The following COL4A3 variants were observed in gnomAD, a reference collection of about 807,000 sequenced individuals.
COL4A3 encodes the protein collagen alpha-3(IV) chain.
A neutral mutation model predicts 217.4 loss-of-function variants in COL4A3; 135 were observed. That is an observed-to-expected ratio of 0.62 (90% CI 0.54 to 0.72). The LOEUF (loss-of-function observed/expected upper bound fraction) is 0.72, where lower values mean the gene tolerates loss of function less well. COL4A3 is among the 30% of genes least tolerant of loss of function. The pLI is 0.00. For missense variants in COL4A3, 1,868 were observed against 2,119.9 expected (o/e 0.88, Z 2.33); for synonymous variants, 690 against 736.3 (o/e 0.94, Z 1.02).
At chr2:227,263,313 C>G (rs2070705646) in intron 20 of COL4A3, among the ~76,000 whole-genome samples, 4 of 152,320 alleles carry the variant, frequency 2.6e-5, no homozygotes, top group East Asian at 3.9e-4. Context: ...TTCGTGCCAC[C>G]AGGCACGGCT....
chr2:227,182,116 C>T (rs1285879500), intron 1 of COL4A3, among the ~76,000 whole-genome samples: 1 of 152,108 alleles, frequency 6.6e-6, no homozygotes, highest in East Asian at 1.9e-4. Flanking sequence ...CTGCTGATTC[C>T]CTATTGATTT....
chr2:227,266,570 G>T, intron 22 of COL4A3, 61 bp downstream of exon 22: 1 of 1,308,704 alleles, frequency 7.6e-7, no homozygotes, highest in South Asian at 1.2e-5. Context: ...TATTATCACT[G>T]ATTTTTCCCC....
chr2:227,308,988 G>T lies in COL4A3; in HGVS notation c.4552G>T (p.Asp1518Tyr). The T allele has an allele frequency of 6.2e-7, 1 of 1,614,154 alleles. No individual in the cohort carries two copies. The highest frequency in any genetic ancestry group is 8.5e-7 in the Non-Finnish European group (1 of 1,180,020). ...NDVCNFASRN[D>Y]YSYWLSTPAL... ...TGTATGTAATTTTGCATCTCGAAAT[G>T]ATTATTCATACTGGCTGTCAACACC... Residue 1518 changes from aspartate to tyrosine, a missense_variant, in exon 49 of 52, where the codon GAT becomes TAT. Physicochemically the swap from Asp to Tyr is radical, Grantham distance 160 (BLOSUM62 -3). Around this residue, in one of 2 missense-constraint regions of COL4A3, gnomAD observed 1,503 missense variants for 1,786.1 expected, o/e 0.84. Transcript: ENST00000396578.
intron 1 of COL4A3, among the ~76,000 whole-genome samples, chr2:227,170,312 T>G (rs1011054772): frequency 2.0e-5 from 3 of 152,184 alleles, no homozygotes; most frequent in Admixed American, 2.0e-4. Context: ...TCCCTTGTAT[T>G]ACTGTGCTGA....
chr2:227,249,228 A>ATTT (rs1437063843), intron 9 of COL4A3, among the ~76,000 whole-genome samples: 917 of 22,072 alleles, frequency 0.042, 74 homozygotes, highest in Non-Finnish European at 0.075. Flanking sequence ...ATATATATAT[A>ATTT]TATTTTTTTT....
chr2:227,247,490 G>A (rs1401734829), intron 7 of COL4A3, 68 bp from the exon 8 acceptor site: 6 of 1,461,008 alleles, frequency 4.1e-6, no homozygotes, highest in Non-Finnish European at 5.8e-6. Flanking sequence ...AGAGAGGGCA[G>A]AGCAGACCGA....
At chr2:227,183,512 A>G (rs2065922329) in intron 1 of COL4A3, among the ~76,000 whole-genome samples, 1 of 152,194 alleles carries the variant, frequency 6.6e-6, no homozygotes, top group Admixed American at 6.5e-5. Flanking sequence ...ATTTGACTTA[A>G]GACTTTAGGT....
At chr2:227,202,885 G>A (rs1181208513) in intron 1 of COL4A3, among the ~76,000 whole-genome samples, 7 of 18,242 alleles carry the variant, frequency 3.8e-4, no homozygotes, top group African/African-American at 2.3e-3. Context: ...ATATACATAT[G>A]TGTATATATG....
At chr2:227,287,007 G>A (rs560629205) in intron 34 of COL4A3, among the ~76,000 whole-genome samples, 1 of 152,366 alleles carries the variant, frequency 6.6e-6, no homozygotes, top group African/African-American at 2.4e-5. Flanking sequence ...TTACGGTTTA[G>A]TGGGGGAAAG....
At chr2:227,185,228 A>G (rs903314467) in intron 1 of COL4A3, among the ~76,000 whole-genome samples, 22 of 152,070 alleles carry the variant, frequency 1.4e-4, no homozygotes, top group African/African-American at 5.3e-4. Flanking sequence ...TTAGGTTGCA[A>G]TTCTTTTCTT....
chr2:227,293,152 C>T, intron 37 of COL4A3, 39 bp from the exon 38 acceptor site: 1 of 1,612,684 alleles, frequency 6.2e-7, no homozygotes, highest in Non-Finnish European at 8.5e-7. Context: ...ACATATCCTG[C>T]TTATATGAGA....
At chr2:227,229,811 G>T (rs147780966) in intron 1 of COL4A3, among the ~76,000 whole-genome samples, 4,995 of 152,198 alleles carry the variant, frequency 0.033, 117 homozygotes, top group East Asian at 0.11. Flanking sequence ...CACTGTGGGA[G>T]GCCAAGGTGA....
At position 227,280,880 on chromosome 2, in the gene COL4A3, C is replaced by T. The variant is rs1402340434; in HGVS notation, c.2375-13C>T. 2 of 1,537,826 alleles carry T rather than the reference C, an allele frequency of 1.3e-6. No homozygotes were observed. The highest frequency in any genetic ancestry group is 2.7e-5 in the African/African-American group (2 of 72,896). On this transcript the variant is annotated splice_polypyrimidine_tract_variant and intron_variant, in intron 30 of 51. Coordinates refer to ENST00000396578, the MANE Select transcript of COL4A3 (RefSeq NM_000091.5). The stretch of plus-strand genomic sequence containing the variant: ...TCTAGCACCTGGGTATATACTTGTG[C>T]TTTCTTTTGCAGGAGATCCAGGGCA...
At chr2:227,223,488 C>T (rs2067919271) in intron 1 of COL4A3, among the ~76,000 whole-genome samples, 1 of 152,158 alleles carries the variant, frequency 6.6e-6, no homozygotes, top group Non-Finnish European at 1.5e-5. Flanking sequence ...AATCCCAGCA[C>T]TTCGGGAGGC....
chr2:227,251,649 A>G (rs1480415918), intron 11 of COL4A3, among the ~76,000 whole-genome samples: 2 of 152,206 alleles, frequency 1.3e-5, no homozygotes, highest in African/African-American at 2.4e-5. Context: ...ATTTCTGATC[A>G]TCTCACACAG....
At chr2:227,186,936 C>T (rs1187089098) in intron 1 of COL4A3, among the ~76,000 whole-genome samples, 1 of 152,142 alleles carries the variant, frequency 6.6e-6, no homozygotes, top group East Asian at 1.9e-4. Flanking sequence ...TCATTGTGTC[C>T]TCACGTGGTG....
In COL4A3 at chr2:227,200,816, C is replaced by G. The variant is rs2066656540; in HGVS notation, c.87+36003C>G. ...ATGGCTTCATTTACATGTTCAATTG[C>G]ATGTACAATTACAATTGAACAATTA... On this transcript the variant is annotated intron_variant, in intron 1 of 51. Transcript: ENST00000396578. Among the ~76,000 whole-genome samples the G allele has an allele frequency of 1.3e-5, 2 of 152,136 alleles. 1 individual carries two copies. The highest frequency in any genetic ancestry group is 4.1e-4 in the South Asian group (2 of 4,826).
At chr2:227,291,569 A>AC (rs2072726333) in intron 37 of COL4A3, among the ~76,000 whole-genome samples, 1 of 22,046 alleles carries the variant, frequency 4.5e-5, no homozygotes, top group African/African-American at 1.6e-4. Context: ...TCTCAAAAAA[A>AC]AAAAAAAAAA....
At chr2:227,276,259 G>A (rs2071554294) in intron 26 of COL4A3, 126 bp from the exon 27 acceptor site, 1 of 755,690 alleles carries the variant, frequency 1.3e-6, no homozygotes, top group Non-Finnish European at 2.3e-6. Flanking sequence ...TGAAGTCTGT[G>A]AAAACAGAGG....
Sources: gnomAD v4.1 joint callset for allele counts (sites outside exome capture counted in the v4.1 genomes callset) on GRCh38, gnomAD v4.1.1 for gene constraint, gnomAD v4.1.1 regional missense constraint, MANE v1.5 for transcripts, NCBI Gene and HGNC (gene_info 2026-07-23, HGNC 2026-07-21) for gene names.